Variants in MIR2052HG observed in about 807,000 individuals in gnomAD.
MIR2052HG encodes MIR2052 host gene.
intron 2 of MIR2052HG, among the ~76,000 whole-genome samples, chr8:74,659,185 AG>A (rs1808836343): frequency 6.6e-6 from 1 of 152,214 alleles, no homozygotes; most frequent in South Asian, 2.1e-4. Context: ...TTTCTAAGAA[AG>A]GCTAAATATG....
intron 4 of MIR2052HG, among the ~76,000 whole-genome samples, chr8:74,743,723 A>C (rs779203755): frequency 6.6e-6 from 1 of 152,220 alleles, no homozygotes; most frequent in Non-Finnish European, 1.5e-5. Context: ...GGGATAGGTA[A>C]CATGATCTGA....
chr8:74,664,277 TAAAAAAAA>T (rs893803953), intron 2 of MIR2052HG, among the ~76,000 whole-genome samples: 1 of 151,158 alleles, frequency 6.6e-6, no homozygotes, highest in African/African-American at 2.4e-5. Context: ...GATTGAAATT[TAAAAAAAA>T]GAAAAAAAAA....
intron 4 of MIR2052HG, among the ~76,000 whole-genome samples, chr8:74,746,811 GA>G (rs1471944765): frequency 1.3e-5 from 2 of 151,942 alleles, no homozygotes; most frequent in Non-Finnish European, 2.9e-5. Context: ...TGGCAGGATT[GA>G]AAAAGGTAAC....
chr8:74,669,050 C>T (rs532958766), intron 2 of MIR2052HG, among the ~76,000 whole-genome samples: 121 of 152,280 alleles, frequency 7.9e-4, no homozygotes, highest in Non-Finnish European at 1.2e-3. Context: ...ATCCATGTCT[C>T]CAACTTTATT....
intron 5 of MIR2052HG, chr8:74,756,634 A>G (rs922398902): frequency 2.0e-5 from 3 of 152,232 alleles, no homozygotes; most frequent in African/African-American, 7.2e-5. Context: ...CAGCAGAACA[A>G]AGATTAGATC....
chr8:74,732,821 C>G (rs269176), intron 4 of MIR2052HG, among the ~76,000 whole-genome samples: 146,839 of 152,206 alleles, frequency 0.96, 70,856 homozygotes, highest in East Asian at 1. Flanking sequence ...TCAAGGATAC[C>G]TAAGAAAACC....
intron 1 of MIR2052HG, among the ~76,000 whole-genome samples, chr8:74,607,476 G>A (rs1232603788): frequency 6.6e-6 from 1 of 152,238 alleles, no homozygotes; most frequent in Admixed American, 6.5e-5. Flanking sequence ...GCCGGGCGTG[G>A]TGGTGGGTGC....
chr8:74,640,467 CAA>C (rs35779504), intron 2 of MIR2052HG, among the ~76,000 whole-genome samples: 10,480 of 83,492 alleles, frequency 0.13, 443 homozygotes, highest in African/African-American at 0.19. Context: ...GACTCCGTCT[CAA>C]AAAAAAAAAA....
chr8:74,743,797 C>T (rs2128755965), intron 4 of MIR2052HG, among the ~76,000 whole-genome samples: 1 of 152,228 alleles, frequency 6.6e-6, no homozygotes, highest in South Asian at 2.1e-4. Flanking sequence ...AGCCCCAAAC[C>T]ATTATTTCAT....
chr8:74,724,238 C>T (rs1014035539), intron 4 of MIR2052HG, among the ~76,000 whole-genome samples: 21 of 151,672 alleles, frequency 1.4e-4, no homozygotes, highest in African/African-American at 4.9e-4. Flanking sequence ...GTATTAAAGG[C>T]AGAAACTTTA....
At chr8:74,719,679 A>G (rs1809554724) in intron 4 of MIR2052HG, among the ~76,000 whole-genome samples, 2 of 152,084 alleles carry the variant, frequency 1.3e-5, no homozygotes, top group African/African-American at 4.8e-5. Flanking sequence ...AAAAAAAAAT[A>G]GACTTGTGTG....
chr8:74,703,677 T>G (rs1312584679), exon 4 of MIR2052HG: 1 of 452,048 alleles, frequency 2.2e-6, no homozygotes, highest in Admixed American at 2.4e-5. Context: ...ATCTTTTTCA[T>G]CAGGGGTGAG....
intron 1 of MIR2052HG, among the ~76,000 whole-genome samples, chr8:74,600,069 C>T (rs925519377): frequency 6.6e-6 from 1 of 152,172 alleles, no homozygotes; most frequent in African/African-American, 2.4e-5. Flanking sequence ...TGAGGCAATG[C>T]CTCGCCGTGC....
intron 2 of MIR2052HG, among the ~76,000 whole-genome samples, chr8:74,630,434 G>A (rs1307201006): frequency 6.7e-6 from 1 of 149,984 alleles, no homozygotes; most frequent in African/African-American, 2.5e-5. Flanking sequence ...AGAGCCAAGA[G>A]GAAATGGTTA....
intron 4 of MIR2052HG, among the ~76,000 whole-genome samples, chr8:74,715,000 G>GT (rs996006333): frequency 6.6e-6 from 1 of 151,822 alleles, no homozygotes; most frequent in African/African-American, 2.4e-5. Flanking sequence ...CTTTTCTATT[G>GT]TTTTTTTATT....
chr8:74,677,343 A>G (rs1322106392), intron 2 of MIR2052HG, among the ~76,000 whole-genome samples: 1 of 152,060 alleles, frequency 6.6e-6, no homozygotes, highest in Non-Finnish European at 1.5e-5. Flanking sequence ...ATAAATAGAT[A>G]TGCATGAAAT....
chr8:74,634,185 A>G (rs1808553571), intron 2 of MIR2052HG, among the ~76,000 whole-genome samples: 1 of 152,162 alleles, frequency 6.6e-6, no homozygotes, highest in Non-Finnish European at 1.5e-5. Context: ...AGAATTCAGG[A>G]ACTAGCAATA....
At chr8:74,645,735 T>C (rs1003698925) in intron 2 of MIR2052HG, among the ~76,000 whole-genome samples, 1 of 152,218 alleles carries the variant, frequency 6.6e-6, no homozygotes, top group Non-Finnish European at 1.5e-5. Flanking sequence ...GCCATGGAGC[T>C]ATTCCATTAA....
intron 4 of MIR2052HG, among the ~76,000 whole-genome samples, chr8:74,730,954 T>C (rs1339123606): frequency 1.3e-5 from 2 of 152,236 alleles, no homozygotes; most frequent in African/African-American, 2.4e-5. Context: ...TGTACAAATA[T>C]GTGAATGGGG....
Sources: gnomAD v4.1 joint callset for allele counts (sites outside exome capture counted in the v4.1 genomes callset) on GRCh38, gnomAD v4.1.1 for gene constraint, MANE v1.5 for transcripts, NCBI Gene and HGNC (gene_info 2026-07-23, HGNC 2026-07-21) for gene names.